SLX4IP: variants seen among roughly 807,000 people sequenced by gnomAD.
The protein encoded by SLX4IP is SLX4 interacting protein, also known as protein SLX4IP.
In SLX4IP, 34 loss-of-function variants were observed where a neutral mutation model predicts 32.9. That is an observed-to-expected ratio of 1.03 (90% confidence interval 0.79 to 1.38). The LOEUF (loss-of-function observed/expected upper bound fraction) is 1.38, where lower values mean the gene tolerates loss of function less well. Among genes scored for constraint, SLX4IP ranks in the 40% most tolerant of loss-of-function variants. The probability of loss-of-function intolerance (pLI) is 0.00; values close to 1 mark genes in which losing one functional copy is unlikely to be tolerated. For synonymous variants in SLX4IP, 172 were observed against 171.7 expected, an observed-to-expected ratio of 1.00 and a Z score of -0.01; for missense variants, 444 against 479.0, an observed-to-expected ratio of 0.93 and a Z score of 0.68.
intron 2 of SLX4IP, among the ~76,000 whole-genome samples, chr20:10,493,946 C>T (rs1231005505): frequency 7.0e-6 from 1 of 143,518 alleles, no homozygotes; most frequent in Non-Finnish European, 1.5e-5. Context: ...GATCCTCCTG[C>T]TTTGGCCTCC....
intron 5 of SLX4IP, among the ~76,000 whole-genome samples, chr20:10,599,739 A>G (rs2066819921): frequency 6.6e-6 from 1 of 151,934 alleles, no homozygotes; most frequent in South Asian, 2.1e-4. Context: ...ACTTTGTTCA[A>G]CTCTCTAGTA....
intron 4 of SLX4IP, among the ~76,000 whole-genome samples, chr20:10,586,423 A>G (rs773747428): frequency 6.6e-6 from 1 of 152,162 alleles, no homozygotes; most frequent in Non-Finnish European, 1.5e-5. Context: ...TCCCTAGTTA[A>G]TATAACGAAT....
intron 4 of SLX4IP, among the ~76,000 whole-genome samples, chr20:10,593,798 G>C (rs952059592): frequency 6.6e-6 from 1 of 152,134 alleles, no homozygotes; most frequent in Non-Finnish European, 1.5e-5. Flanking sequence ...CTCTTTAAAA[G>C]TTCAGAGTTC....
chr20:10,567,224 AT>A (rs1568744974), intron 4 of SLX4IP, among the ~76,000 whole-genome samples: 1 of 152,170 alleles, frequency 6.6e-6, no homozygotes, highest in East Asian at 1.9e-4. Context: ...CTTACTCATT[AT>A]AAGAACCTCT....
chr20:10,513,061 C>A (rs1439360477), intron 2 of SLX4IP, among the ~76,000 whole-genome samples: 5 of 151,988 alleles, frequency 3.3e-5, no homozygotes, highest in Non-Finnish European at 7.4e-5. Flanking sequence ...AGATTTCTAT[C>A]CTGTCCTAGT....
chr20:10,566,231 GTTTTAGT>G (rs1185059815), intron 4 of SLX4IP, among the ~76,000 whole-genome samples: 1 of 137,430 alleles, frequency 7.3e-6, no homozygotes, highest in Non-Finnish European at 1.5e-5. Flanking sequence ...GATTGCCATT[GTTTTAGT>G]TAACTTTTAG....
chr20:10,528,448 T>C (rs1254141021), intron 2 of SLX4IP, among the ~76,000 whole-genome samples: 1 of 152,210 alleles, frequency 6.6e-6, no homozygotes, highest in Non-Finnish European at 1.5e-5. Context: ...CTTTATCTGA[T>C]ACTCATGAGT....
chr20:10,534,112 G>C (rs1254954323), intron 2 of SLX4IP, among the ~76,000 whole-genome samples: 1 of 152,078 alleles, frequency 6.6e-6, no homozygotes, highest in Non-Finnish European at 1.5e-5. Flanking sequence ...TTCTGCCAGA[G>C]CCCCCTTGAA....
At chr20:10,593,187 A>C (rs1340894965) in intron 4 of SLX4IP, among the ~76,000 whole-genome samples, 1 of 152,232 alleles carries the variant, frequency 6.6e-6, no homozygotes, top group Non-Finnish European at 1.5e-5. Context: ...TCAGACCACT[A>C]TCCAACCTAC....
At chr20:10,502,666 C>G (rs1011920205) in intron 2 of SLX4IP, among the ~76,000 whole-genome samples, 2 of 151,852 alleles carry the variant, frequency 1.3e-5, no homozygotes, top group Middle Eastern at 3.2e-3. Flanking sequence ...CTTGACCACC[C>G]CATTTACTCT....
At chr20:10,464,455 A>G (rs1358176222) in intron 2 of SLX4IP, among the ~76,000 whole-genome samples, 1 of 152,220 alleles carries the variant, frequency 6.6e-6, no homozygotes, top group Non-Finnish European at 1.5e-5. Flanking sequence ...CCCAGGAGGG[A>G]GGATCACTTG....
chr20:10,598,186 A>T (rs2066795958), intron 4 of SLX4IP, among the ~76,000 whole-genome samples: 1 of 152,208 alleles, frequency 6.6e-6, no homozygotes, highest in African/African-American at 2.4e-5. Context: ...CGTCATAGTC[A>T]GGCCTCCTGG....
chr20:10,483,568 C>T (rs2065544497), intron 2 of SLX4IP, among the ~76,000 whole-genome samples: 1 of 151,978 alleles, frequency 6.6e-6, no homozygotes, highest in Admixed American at 6.6e-5. Context: ...TGCAAAAATG[C>T]AAATTAATTT....
At chr20:10,554,269 C>T (rs2066246491) in intron 2 of SLX4IP, among the ~76,000 whole-genome samples, 1 of 152,190 alleles carries the variant, frequency 6.6e-6, no homozygotes, top group Non-Finnish European at 1.5e-5. Flanking sequence ...GAGATGAATA[C>T]ATGTTGAGTC....
At chr20:10,590,191 G>T (rs543452485) in intron 4 of SLX4IP, among the ~76,000 whole-genome samples, 1 of 151,968 alleles carries the variant, frequency 6.6e-6, no homozygotes, top group Non-Finnish European at 1.5e-5. Flanking sequence ...ATCTTTTTAA[G>T]ACCTTTTCCT....
At chr20:10,514,570 T>C (rs1285194109) in intron 2 of SLX4IP, among the ~76,000 whole-genome samples, 1 of 152,222 alleles carries the variant, frequency 6.6e-6, no homozygotes, top group African/African-American at 2.4e-5. Context: ...AAGTATTTAA[T>C]AACTGTACTA....
intron 2 of SLX4IP, among the ~76,000 whole-genome samples, chr20:10,550,318 G>T (rs1384457283): frequency 6.6e-6 from 1 of 152,126 alleles, no homozygotes; most frequent in Non-Finnish European, 1.5e-5. Flanking sequence ...TGCCAATGAC[G>T]ATTTGTGTGG....
intron 4 of SLX4IP, among the ~76,000 whole-genome samples, chr20:10,569,339 C>G (rs2066434387): frequency 6.6e-6 from 1 of 152,104 alleles, no homozygotes; most frequent in Admixed American, 6.6e-5. Flanking sequence ...GTGCGTGCCA[C>G]CACACCCAGC....
chr20:10,462,883 A>G (rs1255211347), intron 2 of SLX4IP, among the ~76,000 whole-genome samples: 2 of 152,348 alleles, frequency 1.3e-5, no homozygotes, highest in Middle Eastern at 3.4e-3. Flanking sequence ...AGCATAACAA[A>G]TTTATTATGT....
Sources: gnomAD v4.1 joint callset for allele counts (sites outside exome capture counted in the v4.1 genomes callset) on GRCh38, gnomAD v4.1.1 for gene constraint, MANE v1.5 for transcripts, NCBI Gene and HGNC (gene_info 2026-07-23, HGNC 2026-07-21) for gene names.